ATAD2B: variants seen among roughly 807,000 people sequenced by gnomAD.
ATAD2B encodes ATPase family AAA domain containing 2B.
A neutral mutation model predicts 167.6 loss-of-function variants in ATAD2B; 40 were observed. The ratio of observed to expected loss-of-function variants is 0.24; its 90% CI spans 0.19 to 0.31. The LOEUF (loss-of-function observed/expected upper bound fraction) is 0.31, where lower values mean the gene tolerates loss of function less well. Among genes scored for constraint, ATAD2B ranks in the 10% least tolerant of loss-of-function variants. The probability of loss-of-function intolerance (pLI) is 1.00; values close to 1 mark genes in which losing one functional copy is unlikely to be tolerated. For synonymous variants in ATAD2B, 579 were observed against 596.5 expected, an observed-to-expected ratio of 0.97 and a Z score of 0.43; for missense variants, 1,242 against 1,757.2, an observed-to-expected ratio of 0.71 and a Z score of 5.24.
At chr2:23,799,910 A>G (rs1323095607) in intron 18 of ATAD2B, 2 of 151,882 alleles carry the variant, frequency 1.3e-5, no homozygotes, top group Non-Finnish European at 2.9e-5. Flanking sequence ...CTCCTTCAGG[A>G]CTCTCAAATT....
At chr2:23,686,648 G>C in the ATAD2B span, among the ~76,000 whole-genome samples, 2 of 152,128 alleles carry the variant, frequency 1.3e-5, no homozygotes, top group African/African-American at 4.8e-5. Context: ...GCCAGTGTCG[G>C]GAGAGCTGGG....
intron 22 of ATAD2B, among the ~76,000 whole-genome samples, chr2:23,777,566 G>C (rs760672541): frequency 2.0e-5 from 3 of 152,118 alleles, no homozygotes; most frequent in Non-Finnish European, 4.4e-5. Flanking sequence ...GCAAAACACA[G>C]AGGGCTCCAA....
In ATAD2B at chr2:23,819,740, C is replaced by A; in HGVS notation, c.2267+7G>T. 6.3e-7 allele frequency: 1 copy of A among 1,584,520 alleles called. No individual in the cohort carries two copies. Among genetic ancestry groups the A allele is most frequent in the South Asian group, 1.2e-5 (1 of 86,540 alleles). On this transcript the variant is annotated splice_region_variant and intron_variant, in intron 17 of 27. Coordinates refer to ENST00000238789, the MANE Select transcript of ATAD2B (RefSeq NM_017552.4). The stretch of plus-strand genomic sequence containing the variant: ...AAATACAAAGAAAGTTGATATAAAT[C>A]ACTCACATTGTAAAATGAAGGTAGG...
chr2:23,707,620 T>TA, the ATAD2B span: 3 of 152,204 alleles, frequency 2.0e-5, no homozygotes, highest in Admixed American at 2.0e-4. Context: ...GAGTCTGCTC[T>TA]AGAAGGAGCC....
At chr2:23,824,343 T>C (rs1687919828) in intron 15 of ATAD2B, among the ~76,000 whole-genome samples, 2 of 152,240 alleles carry the variant, frequency 1.3e-5, no homozygotes, top group Non-Finnish European at 2.9e-5. Flanking sequence ...TCCTAATCAT[T>C]AGGTTAGTCC....
chr2:23,870,010 C>A (rs891714196), intron 8 of ATAD2B, among the ~76,000 whole-genome samples: 1 of 151,946 alleles, frequency 6.6e-6, no homozygotes, highest in East Asian at 1.9e-4. Flanking sequence ...GAGTTCGAGA[C>A]CAGCCTGGCC....
the ATAD2B span, chr2:23,690,880 TC>T: frequency 6.6e-6 from 1 of 151,974 alleles, no homozygotes; most frequent in Non-Finnish European, 1.5e-5. Flanking sequence ...CCTCCCCTGC[TC>T]CCCCCAGTTC....
At chr2:23,872,602 A>G in intron 8 of ATAD2B, 1 of 1,297,442 alleles carries the variant, frequency 7.7e-7, no homozygotes, top group Non-Finnish European at 1.1e-6. Flanking sequence ...GATCCTTACT[A>G]ATGTTGCTGT....
chr2:23,683,920 T>G, the ATAD2B span, among the ~76,000 whole-genome samples: 7 of 152,216 alleles, frequency 4.6e-5, no homozygotes, highest in Non-Finnish European at 1.0e-4. Context: ...ACGCTGTTTT[T>G]GCAGGTTTTG....
chr2:23,908,160 A>G (rs1322060865), intron 1 of ATAD2B, among the ~76,000 whole-genome samples: 1 of 152,168 alleles, frequency 6.6e-6, no homozygotes, highest in Admixed American at 6.5e-5. Context: ...TAAACTAAAG[A>G]GCTTCTGCAC....
At chr2:23,766,148 A>C (rs1445681210) in intron 22 of ATAD2B, among the ~76,000 whole-genome samples, 1 of 152,176 alleles carries the variant, frequency 6.6e-6, no homozygotes, top group Non-Finnish European at 1.5e-5. Flanking sequence ...TCTAAGCTAA[A>C]GGGCACAAGA....
At chr2:23,819,677 T>A in intron 17 of ATAD2B, 70 bp downstream of exon 17, 1 of 1,214,826 alleles carries the variant, frequency 8.2e-7, no homozygotes, top group Non-Finnish European at 1.1e-6. Context: ...AGTAAAAATA[T>A]ACCATAATTC....
chr2:23,898,811 T>C (rs1000573255), intron 1 of ATAD2B, among the ~76,000 whole-genome samples: 8 of 152,154 alleles, frequency 5.3e-5, no homozygotes, highest in African/African-American at 1.9e-4. Context: ...CAGACTAGCC[T>C]GGGCAACGTA....
Position 23,798,169 on chromosome 2 carries a change from G to C in ATAD2B, c.2609C>G (p.Ser870Cys), listed in dbSNP as rs1195622734. ...AGGCAGTTCACTGTACATGGTTTCA[G>C]AGGTAGACAATAAAAATATAGGTGA... ...SFSPIFLLST[S>C]ETMYSELPEE... is the part of the protein sequence containing the mutation. The change falls in exon 19 of 28, where the codon TCT becomes TGT. Residue 870 changes from serine (S) to cysteine (C), a missense_variant. Transcript: ENST00000238789. 6.3e-7 allele frequency: 1 copy of C among 1,594,720 alleles called. No individual in the cohort carries two copies. Among genetic ancestry groups the C allele is most frequent in the Non-Finnish European group, 8.6e-7 (1 of 1,166,714 alleles).
At chr2:23,892,430 C>G (rs1217910750) in intron 2 of ATAD2B, among the ~76,000 whole-genome samples, 2 of 151,550 alleles carry the variant, frequency 1.3e-5, no homozygotes, top group East Asian at 3.9e-4. Flanking sequence ...TCCCAAAGTG[C>G]TGGGATTACA....
At chr2:23,785,927 C>T (rs1572742679) in intron 21 of ATAD2B, 100 bp downstream of exon 21, 1 of 1,033,680 alleles carries the variant, frequency 9.7e-7, no homozygotes, top group Non-Finnish European at 1.4e-6. Flanking sequence ...GGGTAATATT[C>T]ATCCATGCCT....
chr2:23,868,606 T>C (rs1050914366), intron 9 of ATAD2B, among the ~76,000 whole-genome samples: 1 of 152,166 alleles, frequency 6.6e-6, no homozygotes, highest in African/African-American at 2.4e-5. Flanking sequence ...TCCTCAACTA[T>C]TACACGAATA....
intron 13 of ATAD2B, among the ~76,000 whole-genome samples, chr2:23,843,933 C>CTTTGTT (rs931861414): frequency 6.6e-6 from 1 of 152,048 alleles, no homozygotes; most frequent in Non-Finnish European, 1.5e-5. Flanking sequence ...TATCACAAAT[C>CTTTGTT]TTTGTTTTTG....
At chr2:23,904,087 G>C (rs899636919) in intron 1 of ATAD2B, among the ~76,000 whole-genome samples, 12 of 152,058 alleles carry the variant, frequency 7.9e-5, no homozygotes, top group African/African-American at 2.9e-4. Context: ...ATCAGGCTAT[G>C]GGAAACACAC....
Sources: gnomAD v4.1 joint callset for allele counts (sites outside exome capture counted in the v4.1 genomes callset) on GRCh38, gnomAD v4.1.1 for gene constraint, MANE v1.5 for transcripts, NCBI Gene and HGNC (gene_info 2026-07-23, HGNC 2026-07-21) for gene names.